Variants in ATF2 observed in about 807,000 individuals in gnomAD.
ATF2 encodes the protein cyclic AMP-dependent transcription factor ATF-2.
A neutral mutation model predicts 60.6 loss-of-function variants in ATF2; 24 were observed. The ratio of observed to expected loss-of-function variants is 0.40; its 90% CI spans 0.29 to 0.56. The LOEUF (loss-of-function observed/expected upper bound fraction) is 0.56. Among genes scored for constraint, ATF2 ranks in the 20% least tolerant of loss-of-function variants. ATF2 has a pLI of 0.54. For synonymous variants in ATF2, 206 were observed against 215.4 expected (o/e 0.96, Z 0.38); for missense variants, 433 against 607.7 (o/e 0.71, Z 3.02).
intron 11 of ATF2, among the ~76,000 whole-genome samples, chr2:175,095,007 A>G (rs1376347368): frequency 6.6e-6 from 1 of 152,240 alleles, no homozygotes; most frequent in African/African-American, 2.4e-5. Context: ...TTTTACTTAC[A>G]TAATTGCAAC....
At chr2:175,125,926 C>T (rs1697296290) in intron 4 of ATF2, among the ~76,000 whole-genome samples, 1 of 152,122 alleles carries the variant, frequency 6.6e-6, no homozygotes, top group Admixed American at 6.6e-5. Context: ...GATATTCCCA[C>T]CTTAAAATGC....
intron 11 of ATF2, 102 bp from the exon 12 acceptor site, chr2:175,093,369 A>G: frequency 8.5e-7 from 1 of 1,182,378 alleles, no homozygotes; most frequent in Non-Finnish European, 1.2e-6. Context: ...GTATTTTCTA[A>G]GTCTTGTTGA....
intron 3 of ATF2, among the ~76,000 whole-genome samples, chr2:175,132,377 C>A (rs1023819883): frequency 1.3e-5 from 2 of 152,112 alleles, no homozygotes; most frequent in East Asian, 3.8e-4. Context: ...TAGTTTCCTG[C>A]GAGTTTTAAT....
chr2:175,084,260 T>C (rs1226355073), intron 12 of ATF2, among the ~76,000 whole-genome samples: 4 of 151,884 alleles, frequency 2.6e-5, no homozygotes, highest in Admixed American at 6.6e-5. Flanking sequence ...CCAACGATGA[T>C]AGACTGGATT....
chr2:175,111,721 C>T lies in ATF2; in HGVS notation c.742-67G>A. 3.8e-6 allele frequency: 5 copies of T among 1,330,496 alleles called. No individual in the cohort carries two copies. In the East Asian group the frequency reaches 9.4e-5, roughly 25 times the overall value. 82.4% of individuals were successfully genotyped at this position (1,330,496 alleles called of 1,614,324 possible). On this transcript the variant is annotated intron_variant, in intron 9 of 13. Transcript: ENST00000264110. ...TCAAAATGAGATTTGTACTTTACTG[C>T]TGTTGTAATAATTTGAGACTTTAAG... is the stretch of plus-strand genomic sequence containing the variant.
chr2:175,118,581 A>T (rs1696742877), intron 5 of ATF2, among the ~76,000 whole-genome samples: 1 of 151,904 alleles, frequency 6.6e-6, no homozygotes, highest in African/African-American at 2.4e-5. Flanking sequence ...ATATGAAAGT[A>T]GGAAAGAAGT....
Position 175,087,570 on chromosome 2 carries a change from C to A in ATF2, c.1185+5491G>T, listed in dbSNP as rs377689943. ...TATTTGGCCATGAATATCAGGTATT[C>A]CCTAAATTTATGATCTTTGACTTTC... On this transcript the variant is annotated intron_variant, in intron 12 of 13. Transcript: ENST00000264110. Among the ~76,000 whole-genome samples the A allele has an allele frequency of 1.1e-4, 16 of 152,140 alleles. No homozygotes were observed. In the East Asian group the frequency reaches 3.1e-3, roughly 29 times the overall value.
intron 9 of ATF2, among the ~76,000 whole-genome samples, chr2:175,112,569 CT>C (rs1696273013): frequency 6.6e-6 from 1 of 152,086 alleles, no homozygotes; most frequent in Non-Finnish European, 1.5e-5. Context: ...TATAAGTAAG[CT>C]TTTAAAAATA....
intron 4 of ATF2, among the ~76,000 whole-genome samples, chr2:175,129,397 G>A (rs1007845656): frequency 3.9e-5 from 6 of 151,992 alleles, no homozygotes; most frequent in Non-Finnish European, 5.9e-5. Context: ...TTGAGTATAC[G>A]TGTGTTAAAA....
At position 175,136,521 on chromosome 2, in the gene ATF2, A is replaced by T. The variant is rs1271607903; in HGVS notation, c.-43-35T>A. The T allele has an allele frequency of 2.3e-6, 3 of 1,325,724 alleles. No individual in the cohort carries two copies. The Admixed American group carries it at 5.8e-5, about 26-fold the overall frequency. The allele number at this position is 1,325,724 out of a possible 1,614,324, so 82.1% of individuals were successfully genotyped here. A position where few individuals can be genotyped will look rare whatever the true frequency, so the allele number is the denominator to read the frequency against. On this transcript the variant is annotated intron_variant, in intron 2 of 13. Coordinates refer to ENST00000264110, the MANE Select transcript of ATF2 (RefSeq NM_001880.4). ...AAAGTGGTTTCACACTGTTAAAAAT[A>T]GTTCTGAAACACTTCTTGAAACAGT... is the stretch of plus-strand genomic sequence containing the variant.
At position 175,074,739 on chromosome 2, in the gene ATF2, A is replaced by G. The variant is rs749514665; in HGVS notation, c.1388T>C (p.Val463Ala). ...AGCTTCTGCCTTGGAGGTTGAACTG[A>G]CTCCATTGGATGTGCTGACCGAACT... ...QHSSVSTSNG[V>A]SSTSKAEAVA... is the part of the protein sequence containing the mutation. The change falls in exon 14 of 14, where the codon GTC becomes GCC. Residue 463 changes from valine (V) to alanine (A), a missense_variant. Val to Ala is a moderately conservative substitution (Grantham distance 64). Coordinates refer to ENST00000264110, the MANE Select transcript of ATF2 (RefSeq NM_001880.4). 16 of 1,613,188 alleles carry G rather than the reference A, an allele frequency of 9.9e-6. No homozygotes were observed. Among genetic ancestry groups the G allele is most frequent in the Non-Finnish European group, 1.3e-5 (15 of 1,179,682 alleles).
intron 1 of ATF2, among the ~76,000 whole-genome samples, chr2:175,166,460 C>A (rs1013749825): frequency 6.6e-6 from 1 of 152,126 alleles, no homozygotes; most frequent in Non-Finnish European, 1.5e-5. Flanking sequence ...CTTTCTTAAT[C>A]TGCAGAGGGG....
intron 1 of ATF2, among the ~76,000 whole-genome samples, chr2:175,164,017 A>G (rs1043981717): frequency 2.7e-5 from 4 of 149,072 alleles, no homozygotes; most frequent in African/African-American, 9.8e-5. Context: ...ATATTTATTT[A>G]TAATTATATA....
At chr2:175,158,068 T>C (rs1369308882) in intron 1 of ATF2, among the ~76,000 whole-genome samples, 1 of 151,788 alleles carries the variant, frequency 6.6e-6, no homozygotes, top group Non-Finnish European at 1.5e-5. Context: ...GAACACTCAG[T>C]ACATTCATGA....
At chr2:175,160,988 T>C (rs753066615) in intron 1 of ATF2, among the ~76,000 whole-genome samples, 1 of 152,078 alleles carries the variant, frequency 6.6e-6, no homozygotes, top group Non-Finnish European at 1.5e-5. Context: ...CAGTGAGACT[T>C]AGTCGCATCA....
chr2:175,092,746 CAG>C (rs1191335658), intron 12 of ATF2: 1 of 379,668 alleles, frequency 2.6e-6, no homozygotes, highest in African/African-American at 2.1e-5. Flanking sequence ...AGTGAAATAA[CAG>C]TGATATTTTT....
chr2:175,097,837 G>A (rs1695040381), intron 10 of ATF2, among the ~76,000 whole-genome samples: 1 of 152,106 alleles, frequency 6.6e-6, no homozygotes, highest in Non-Finnish European at 1.5e-5. Context: ...GAGATCAAAT[G>A]GGCCCAAACT....
chr2:175,156,392 A>C lies in ATF2; in HGVS notation c.-142-5234T>G, dbSNP rs571606204. Among the ~76,000 whole-genome samples the C allele has an allele frequency of 3.8e-4, 57 of 150,052 alleles. 2 individuals are homozygous for C. Among genetic ancestry groups the C allele is most frequent in the Middle Eastern group, 6.9e-3 (2 of 290 alleles). On this transcript the variant is annotated intron_variant, in intron 1 of 13. Transcript: ENST00000264110. ...TCTCAAAAAACAAAAAAAAAAAAAA[A>C]AAAAAAAAAAAGGACTACAGATCCA... is the stretch of plus-strand genomic sequence containing the variant.
chr2:175,153,780 C>T (rs1318819302), intron 1 of ATF2, among the ~76,000 whole-genome samples: 2 of 143,160 alleles, frequency 1.4e-5, no homozygotes, highest in South Asian at 2.3e-4. Flanking sequence ...TGCAGTGAGT[C>T]GAGATCACAC....
Sources: allele counts gnomAD v4.1 joint callset (sites outside exome capture counted in the v4.1 genomes callset), GRCh38; gene constraint gnomAD v4.1.1; transcripts MANE v1.5; gene names NCBI Gene and HGNC (gene_info 2026-07-23, HGNC 2026-07-21).